Variants in DLG1 observed in about 807,000 individuals in gnomAD.
DLG1 encodes the protein discs large MAGUK scaffold protein 1.
In DLG1, 42 loss-of-function variants were observed where a neutral mutation model predicts 123.4. The observed-to-expected ratio is 0.34, with a 90% CI of 0.27 to 0.44. DLG1 has a LOEUF of 0.44. DLG1 is among the 20% of genes least tolerant of loss of function. The probability of loss-of-function intolerance (pLI) is 1.00; values close to 1 mark genes in which losing one functional copy is unlikely to be tolerated. For synonymous variants in DLG1, 317 were observed against 356.2 expected (o/e 0.89, Z 1.24); for missense variants, 942 against 1,082.6 (o/e 0.87, Z 1.82).
At chr3:197,278,297 A>G (rs1204792167) in intron 4 of DLG1, among the ~76,000 whole-genome samples, 1 of 148,412 alleles carries the variant, frequency 6.7e-6, no homozygotes, top group Middle Eastern at 3.2e-3. Context: ...AAAAAAAAAA[A>G]AAAAAAAAAA....
At chr3:197,053,486 T>C (rs1378059306) in intron 23 of DLG1, among the ~76,000 whole-genome samples, 1 of 152,044 alleles carries the variant, frequency 6.6e-6, no homozygotes, top group Admixed American at 6.6e-5. Flanking sequence ...ATAAAATATC[T>C]GCTGGCAGGG....
intron 18 of DLG1, among the ~76,000 whole-genome samples, chr3:197,074,247 G>T (rs2148981911): frequency 6.6e-6 from 1 of 152,188 alleles, no homozygotes; most frequent in Middle Eastern, 3.4e-3. Context: ...TAATTCCTGT[G>T]AGATGAAGCA....
At chr3:197,142,870 C>A in intron 6 of DLG1, 102 bp from the exon 7 acceptor site, 1 of 795,968 alleles carries the variant, frequency 1.3e-6, no homozygotes, top group Non-Finnish European at 2.1e-6. Flanking sequence ...CTGTTGAATG[C>A]GACAGTAATC....
chr3:197,078,551 C>CT lies in DLG1; in HGVS notation c.1906-1867dup, dbSNP rs1159331174. Reference sequence around the variant, plus strand: ...CTGAGGAACTAGATAAAAGAGAACTCTAAGTAGAAGTTAAAAATTCAATGG... The same window carrying CT: ...CTGAGGAACTAGATAAAAGAGAACTCTTAAGTAGAAGTTAAAAATTCAATGG... On this transcript the variant is annotated intron_variant, in intron 17 of 24. Coordinates refer to ENST00000667157, the MANE Select transcript of DLG1 (RefSeq NM_001366207.1). The CT allele has an allele frequency of 1.2e-4, 18 of 152,146 alleles. No homozygotes were observed. The East Asian group carries it at 3.5e-3, about 29-fold the overall frequency. The allele number at this position is 152,146 out of a possible 1,614,324, so 9.4% of individuals were successfully genotyped here. A position where few individuals can be genotyped will look rare whatever the true frequency, so the allele number is the denominator to read the frequency against.
At chr3:197,058,880 C>T (rs968402791) in intron 23 of DLG1, among the ~76,000 whole-genome samples, 6 of 152,312 alleles carry the variant, frequency 3.9e-5, no homozygotes, top group Admixed American at 2.0e-4. Flanking sequence ...AACAAATGTA[C>T]GAACAGATCT....
intron 4 of DLG1, among the ~76,000 whole-genome samples, chr3:197,282,287 T>C (rs1436723631): frequency 2.0e-5 from 3 of 152,216 alleles, no homozygotes; most frequent in South Asian, 4.1e-4. Flanking sequence ...TTGAGGTAAA[T>C]GGGTACAACT....
At chr3:197,148,259 A>AAAAAAAAAAAAAAAAAAAAAAAC (rs1792026512) in intron 6 of DLG1, among the ~76,000 whole-genome samples, 1 of 144,446 alleles carries the variant, frequency 6.9e-6, no homozygotes, top group Non-Finnish European at 1.5e-5. Flanking sequence ...AAAAAAAAAA[A>AAAAAAAAAAAAAAAAAAAAAAAC]AATAGCCAGT....
intron 4 of DLG1, among the ~76,000 whole-genome samples, chr3:197,209,478 T>G (rs2150388319): frequency 6.8e-6 from 1 of 146,844 alleles, no homozygotes; most frequent in Non-Finnish European, 1.5e-5. Context: ...CTGATAGAAC[T>G]ATACAAATAT....
Position 197,136,387 on chromosome 3 carries a change from C to A in DLG1, c.1020+155G>T. ...AAGAGAAATGACAAATAAAGAATTA[C>A]CAAGAATCATTTTTTAGGATTTGAT... is the stretch of plus-strand genomic sequence containing the variant. On this transcript the variant is annotated intron_variant, in intron 10 of 24. Transcript: ENST00000667157. 4 of 576,222 alleles carry A rather than the reference C, an allele frequency of 6.9e-6. No homozygotes were observed. The South Asian group carries it at 7.6e-5, about 11-fold the overall frequency. 35.7% of individuals were successfully genotyped at this position (576,222 alleles called of 1,614,324 possible).
chr3:197,217,541 T>A (rs984496155), intron 4 of DLG1, among the ~76,000 whole-genome samples: 1 of 152,214 alleles, frequency 6.6e-6, no homozygotes, highest in Non-Finnish European at 1.5e-5. Context: ...CCACACATTT[T>A]GGGTACAAAC....
At chr3:197,257,988 ATC>A (rs979855379) in intron 4 of DLG1, among the ~76,000 whole-genome samples, 3 of 152,142 alleles carry the variant, frequency 2.0e-5, no homozygotes, top group African/African-American at 7.2e-5. Flanking sequence ...ACAAAAATAA[ATC>A]TCTCTTAGAC....
chr3:197,298,711 G>T, upstream of DLG1: 1 of 397,584 alleles, frequency 2.5e-6, no homozygotes, highest in Non-Finnish European at 4.4e-6. Context: ...GAGGAGTTCG[G>T]GGAGGGGTGC....
chr3:197,097,844 T>G (rs1186712743), intron 14 of DLG1, among the ~76,000 whole-genome samples: 1 of 151,588 alleles, frequency 6.6e-6, no homozygotes, highest in Non-Finnish European at 1.5e-5. Flanking sequence ...CCTCCCAAAG[T>G]GCTGGAATTA....
intron 4 of DLG1, among the ~76,000 whole-genome samples, chr3:197,272,981 G>A (rs930645376): frequency 2.0e-5 from 3 of 152,066 alleles, no homozygotes; most frequent in Non-Finnish European, 2.9e-5. Context: ...TCATAGACTT[G>A]TACAACTACC....
In DLG1 at chr3:197,137,990, A is replaced by AC. The variant is rs397706588; in HGVS notation, c.883+231dup. 2.3e-4 allele frequency among the ~76,000 whole-genome samples: 35 copies of AC among 150,750 alleles called. 1 individual carries two copies. Among genetic ancestry groups the AC allele is most frequent in the Admixed American group, 6.6e-4 (10 of 15,074 alleles). On this transcript the variant is annotated intron_variant, in intron 9 of 24. Transcript: ENST00000667157. ...CTGCCTCAAAAAAACAAACAAAAAA[A>AC]CCCCGCAAAAAAAGGAACTTTTCAA... is the stretch of plus-strand genomic sequence containing the variant.
chr3:197,114,491 C>T (rs891637106), intron 13 of DLG1, among the ~76,000 whole-genome samples: 60 of 152,152 alleles, frequency 3.9e-4, no homozygotes, highest in African/African-American at 1.4e-3. Flanking sequence ...CTAGATTGAA[C>T]TAACTTTTAA....
chr3:197,282,137 A>C (rs1328040661), intron 4 of DLG1, among the ~76,000 whole-genome samples: 41 of 152,232 alleles, frequency 2.7e-4, no homozygotes, highest in Admixed American at 2.7e-3. Context: ...CACACAAAAA[A>C]GTATATTACT....
chr3:197,250,310 C>T (rs533627547), intron 4 of DLG1, among the ~76,000 whole-genome samples: 2 of 152,324 alleles, frequency 1.3e-5, no homozygotes, highest in East Asian at 3.9e-4. Context: ...CGGCTCATGC[C>T]TGTAATCCCA....
chr3:197,131,814 C>T (rs1033516882), intron 10 of DLG1, among the ~76,000 whole-genome samples: 7 of 151,500 alleles, frequency 4.6e-5, no homozygotes, highest in African/African-American at 1.5e-4. Context: ...GGGATGGTCT[C>T]GATCTCCTGA....
Sources: gnomAD v4.1 joint callset for allele counts (sites outside exome capture counted in the v4.1 genomes callset) on GRCh38, gnomAD v4.1.1 for gene constraint, MANE v1.5 for transcripts, NCBI Gene and HGNC (gene_info 2026-07-23, HGNC 2026-07-21) for gene names.